PGS1: variants seen among roughly 807,000 people sequenced by gnomAD.
The protein encoded by PGS1 is phosphatidylglycerophosphate synthase 1, also known as CDP-diacylglycerol--glycerol-3-phosphate 3-phosphatidyltransferase, mitochondrial.
Under a neutral mutation model 58.3 loss-of-function variants are expected in PGS1, and 44 were observed. The ratio of observed to expected loss-of-function variants is 0.75; its 90% CI spans 0.59 to 0.97. PGS1 has a LOEUF of 0.97. PGS1 is among the 50% of genes least tolerant of loss of function. The pLI is 0.00. For missense variants in PGS1, 684 were observed against 731.1 expected (o/e 0.94, Z 0.74); for synonymous variants, 330 against 311.0 (o/e 1.06, Z -0.64).
intron 8 of PGS1, among the ~76,000 whole-genome samples, chr17:78,416,735 A>T (rs922373568): frequency 6.6e-6 from 1 of 152,150 alleles, no homozygotes; most frequent in African/African-American, 2.4e-5. Flanking sequence ...TTCTTTAGGG[A>T]TAGACTGATT....
At chr17:78,423,338 TGGGGGC>T (rs1345125820) in intron 9 of PGS1, among the ~76,000 whole-genome samples, 3 of 152,152 alleles carry the variant, frequency 2.0e-5, no homozygotes, top group South Asian at 4.1e-4. Context: ...TTCTAGACTC[TGGGGGC>T]GGGGGCTTGG....
intron 1 of PGS1, among the ~76,000 whole-genome samples, chr17:78,391,582 A>G (rs1056115206): frequency 1.5e-4 from 23 of 152,028 alleles, no homozygotes; most frequent in African/African-American, 4.8e-4. Context: ...GGTTCAAGCA[A>G]TTCTCCTGCC....
intron 3 of PGS1, among the ~76,000 whole-genome samples, chr17:78,397,508 C>T (rs1262038375): frequency 6.6e-6 from 1 of 151,968 alleles, no homozygotes; most frequent in Admixed American, 6.5e-5. Context: ...GCGATCTCGG[C>T]TTGCCGCAAC....
At chr17:78,395,898 C>T (rs528008589) in intron 2 of PGS1, among the ~76,000 whole-genome samples, 8 of 152,152 alleles carry the variant, frequency 5.3e-5, no homozygotes, top group Non-Finnish European at 1.0e-4. Flanking sequence ...GCCACCATGG[C>T]GTGGCTAATC....
chr17:78,396,237 C>A, intron 2 of PGS1, 71 bp from the exon 3 acceptor site: 3 of 1,184,228 alleles, frequency 2.5e-6, no homozygotes, highest in South Asian at 2.5e-5. Context: ...CCTCCCAGGT[C>A]AAAGGGTTCT....
chr17:78,406,048 G>A (rs529713249), intron 7 of PGS1, among the ~76,000 whole-genome samples: 10 of 112,878 alleles, frequency 8.9e-5, no homozygotes, highest in Admixed American at 8.5e-4. Context: ...CAGGCGCGGT[G>A]GCTCACGCCT....
chr17:78,420,803 G>C (rs1246430992), intron 9 of PGS1: 2 of 152,176 alleles, frequency 1.3e-5, no homozygotes, highest in Non-Finnish European at 2.9e-5. Flanking sequence ...CCTTCCCCCA[G>C]GCAGCCACTC....
intron 7 of PGS1, among the ~76,000 whole-genome samples, chr17:78,410,098 G>A (rs1050639837): frequency 1.4e-5 from 2 of 144,416 alleles, no homozygotes; most frequent in South Asian, 4.5e-4. Flanking sequence ...GTGAGACTCC[G>A]TCTCAAAAAC....
At position 78,410,728 on chromosome 17, in the gene PGS1, C is replaced by T. The variant is rs184159201; in HGVS notation, c.1403-4151C>T. Among the ~76,000 whole-genome samples the T allele has an allele frequency of 9.0e-4, 137 of 152,124 alleles. 2 individuals carry two copies. In the South Asian group the frequency reaches 0.013, roughly 14 times the overall value. ...ACCTTGTGATCTGCCCGCCTTGGCCCCCCAAAGTCCTGGGATTACGGGGTT... is the reference window on the plus strand; with the variant it reads ...ACCTTGTGATCTGCCCGCCTTGGCCTCCCAAAGTCCTGGGATTACGGGGTT... On this transcript the variant is annotated intron_variant, in intron 7 of 9. Transcript: ENST00000262764.
Position 78,400,078 on chromosome 17 carries a change from T to G in PGS1, c.701+541T>G, listed in dbSNP as rs2083534813. On this transcript the variant is annotated intron_variant, in intron 5 of 9. Transcript: ENST00000262764. This position sits in a 1 kb window ranked among gnomAD's most constrained non-coding sequence, Gnocchi z 4.4. ...GTGGGACAGAGAGAACAAACAAACA[T>G]GGGCGCTGATAAATAGCCCTGCATG... 1 of 198,094 alleles carries G rather than the reference T, an allele frequency of 5.0e-6. No homozygotes were observed. The allele number at this position is 198,094 out of a possible 1,614,324, so 12.3% of individuals were successfully genotyped here. A position where few individuals can be genotyped will look rare whatever the true frequency, so the allele number is the denominator to read the frequency against.
At position 78,403,914 on chromosome 17, in the gene PGS1, G is replaced by A; in HGVS notation, c.1227G>A (p.Leu409=). Residue 409 remains leucine, a synonymous_variant, in exon 7 of 10, where the codon CTG becomes CTA. Coordinates refer to ENST00000262764, the MANE Select transcript of PGS1 (RefSeq NM_024419.5). The stretch of plus-strand genomic sequence containing the variant: ...GCACTCGGGCTGAGTACCAGATCCT[G>A]CTGGCCTCACCAGAGGTGAATGGCT... ...VLGTRAEYQI[L]LASPEVNGFF... is the part of the protein sequence containing the mutation. 1 of 1,614,206 alleles carries A rather than the reference G, an allele frequency of 6.2e-7. No homozygotes were observed. Among genetic ancestry groups the A allele is most frequent in the Non-Finnish European group, 8.5e-7 (1 of 1,180,002 alleles).
intron 1 of PGS1, among the ~76,000 whole-genome samples, chr17:78,391,605 G>A (rs1047880961): frequency 6.6e-6 from 1 of 152,084 alleles, no homozygotes; most frequent in Non-Finnish European, 1.5e-5. Context: ...AGCCTCCCAA[G>A]TAGCTGGGAC....
intron 7 of PGS1, among the ~76,000 whole-genome samples, 190 bp downstream of exon 7, chr17:78,404,279 AT>A (rs34032688): frequency 0.14 from 17,249 of 121,984 alleles, 851 homozygotes; most frequent in East Asian, 0.28. Flanking sequence ...CCTCAAGGGA[AT>A]TTTTTTTTTT....
intron 9 of PGS1, chr17:78,421,964 C>A (rs1198505006): frequency 1.2e-5 from 1 of 83,250 alleles, no homozygotes; most frequent in African/African-American, 2.9e-5. Flanking sequence ...TGTCGTGTTC[C>A]AGTCCCTGTG....
chr17:78,395,812 C>T (rs2083189539), intron 2 of PGS1, among the ~76,000 whole-genome samples: 2 of 152,214 alleles, frequency 1.3e-5, no homozygotes, highest in Admixed American at 1.3e-4. Flanking sequence ...GATCACAGCT[C>T]ATTGCAACCT....
In PGS1 at chr17:78,403,755, G is replaced by C. The variant is rs1322761900; in HGVS notation, c.1068G>C (p.Gln356His). ...ACACCTGGATTTATCCGCTGATTCA[G>C]ATGAAGCCCTTCGAGATTCAAATCG... ...APDTWIYPLI[Q>H]MKPFEIQIDE... Residue 356 changes from glutamine to histidine, a missense_variant, in exon 7 of 10, where the codon CAG becomes CAC. Coordinates refer to ENST00000262764, the MANE Select transcript of PGS1 (RefSeq NM_024419.5). 1 of 1,614,248 alleles carries C rather than the reference G, an allele frequency of 6.2e-7. No individual in the cohort carries two copies. The highest frequency in any genetic ancestry group is 8.5e-7 in the Non-Finnish European group (1 of 1,180,048).
intron 1 of PGS1, among the ~76,000 whole-genome samples, chr17:78,392,119 C>T (rs1260709140): frequency 1.3e-5 from 2 of 152,098 alleles, no homozygotes; most frequent in Admixed American, 6.6e-5. Flanking sequence ...TAGAACGTTG[C>T]CATGTGGTAG....
chr17:78,407,397 A>G (rs550041412), intron 7 of PGS1, among the ~76,000 whole-genome samples: 3 of 152,312 alleles, frequency 2.0e-5, no homozygotes, highest in African/African-American at 7.2e-5. Context: ...CACTTCCTCC[A>G]GGGCAGCGTG....
chr17:78,415,513 T>C (rs2085106043), intron 8 of PGS1, among the ~76,000 whole-genome samples: 1 of 152,180 alleles, frequency 6.6e-6, no homozygotes, highest in Non-Finnish European at 1.5e-5. Flanking sequence ...GTGCCTGTAA[T>C]CCCAGCTACT....
Sources: gnomAD v4.1 joint callset for allele counts (sites outside exome capture counted in the v4.1 genomes callset) on GRCh38, gnomAD v4.1.1 for gene constraint, Gnocchi (gnomAD v3.1) non-coding constraint, MANE v1.5 for transcripts, NCBI Gene and HGNC (gene_info 2026-07-23, HGNC 2026-07-21) for gene names.